Variants in RPS6KA2 observed in about 807,000 individuals in gnomAD.
RPS6KA2 encodes the protein ribosomal protein S6 kinase A2, also known as ribosomal protein S6 kinase alpha-2.
In RPS6KA2, 42 loss-of-function variants were observed where a neutral mutation model predicts 91.8. The ratio of observed to expected loss-of-function variants is 0.46; its 90% CI spans 0.36 to 0.59. The LOEUF (loss-of-function observed/expected upper bound fraction) is 0.59, where lower values mean the gene tolerates loss of function less well. Ranked by LOEUF, RPS6KA2 falls within the 20% of genes least tolerant of loss-of-function variation. The pLI, the probability that RPS6KA2 is intolerant of heterozygous loss-of-function variation, is 0.00. For missense variants in RPS6KA2, 798 were observed against 978.5 expected (o/e 0.82, Z 2.46); for synonymous variants, 414 against 393.6 (o/e 1.05, Z -0.61).
chr6:166,607,071 T>C (rs1229842694), intron 1 of RPS6KA2, among the ~76,000 whole-genome samples: 1 of 142,624 alleles, frequency 7.0e-6, no homozygotes, highest in South Asian at 2.2e-4. Context: ...GAACCCGGGA[T>C]GCAGAGGTTG....
intron 3 of RPS6KA2, among the ~76,000 whole-genome samples, chr6:166,527,885 A>G (rs565373449): frequency 4.6e-4 from 70 of 152,332 alleles, no homozygotes; most frequent in Non-Finnish European, 6.6e-4. Context: ...CCAGTACTTT[A>G]TTCCTTTCTA....
intron 2 of RPS6KA2, among the ~76,000 whole-genome samples, chr6:166,659,188 T>TA (rs1342389457): frequency 1.3e-4 from 20 of 151,924 alleles, no homozygotes; most frequent in African/African-American, 4.6e-4. Flanking sequence ...TCAGACAGGC[T>TA]AAAAAAAATT....
intron 2 of RPS6KA2, among the ~76,000 whole-genome samples, chr6:166,832,036 TGATAGATAGATAGATA>T (rs58214863): frequency 4.9e-4 from 73 of 148,050 alleles, no homozygotes; most frequent in African/African-American, 1.1e-3. Flanking sequence ...AGATGATACA[TGATAGATAGATAGATA>T]GATAGATAGA....
intron 1 of RPS6KA2, among the ~76,000 whole-genome samples, chr6:166,594,463 CT>C (rs571393560): frequency 1.5e-3 from 224 of 150,028 alleles, no homozygotes; most frequent in Non-Finnish European, 1.8e-3. Context: ...AACACATTTT[CT>C]TTTTTTTTTC....
chr6:166,855,344 C>CAAA (rs201227321), intron 2 of RPS6KA2, among the ~76,000 whole-genome samples: 2 of 147,942 alleles, frequency 1.4e-5, no homozygotes, highest in South Asian at 2.1e-4. Context: ...ACGAAGAAGA[C>CAAA]GAAGAAGACA....
chr6:166,793,202 A>G (rs1779140373), intron 2 of RPS6KA2, among the ~76,000 whole-genome samples: 1 of 152,052 alleles, frequency 6.6e-6, no homozygotes, highest in Admixed American at 6.5e-5. Flanking sequence ...AGTCTTATAC[A>G]CCAATAACAG....
intron 1 of RPS6KA2, among the ~76,000 whole-genome samples, chr6:166,548,303 T>A (rs7769210): frequency 0.42 from 63,728 of 152,060 alleles, 14,197 homozygotes; most frequent in East Asian, 0.64. Flanking sequence ...GTAGGTATAA[T>A]CTCCCATCAA....
At chr6:166,646,623 C>T (rs1411066527) in intron 2 of RPS6KA2, among the ~76,000 whole-genome samples, 2 of 152,224 alleles carry the variant, frequency 1.3e-5, no homozygotes, top group African/African-American at 4.8e-5. Context: ...CCAGCCTGGC[C>T]CTTCTGGGCC....
intron 2 of RPS6KA2, among the ~76,000 whole-genome samples, chr6:166,797,850 G>A (rs1419472257): frequency 6.6e-6 from 1 of 152,200 alleles, no homozygotes; most frequent in African/African-American, 2.4e-5. Flanking sequence ...ATTGATAGGT[G>A]TAACCGCCGG....
chr6:166,597,659 T>A (rs1388197307), intron 1 of RPS6KA2, among the ~76,000 whole-genome samples: 1 of 152,238 alleles, frequency 6.6e-6, no homozygotes, highest in African/African-American at 2.4e-5. Context: ...AGATTGCAGC[T>A]CTAATAGACA....
rs1778363092 is a variant in RPS6KA2, at chr6:166,767,858, AT to A, written c.123+90341del. ...CGGCCACCACAGAGTGTGTGCGGGG[AT>A]TGCTAACCATGGCAGAGCCTGCTCT... On this transcript the variant is annotated intron_variant, in intron 2 of 21. Transcript: ENST00000503859. The surrounding 1 kb of genome is among the most constrained non-coding windows in gnomAD (Gnocchi z 4.6). Among the ~76,000 whole-genome samples the A allele has an allele frequency of 6.6e-6, 1 of 151,560 alleles. No homozygotes were observed. Among genetic ancestry groups the A allele is most frequent in the Non-Finnish European group, 1.5e-5 (1 of 67,964 alleles).
chr6:166,478,357 C>G (rs547088484), intron 10 of RPS6KA2, among the ~76,000 whole-genome samples: 1 of 152,146 alleles, frequency 6.6e-6, no homozygotes, highest in Non-Finnish European at 1.5e-5. Flanking sequence ...TTTCAGCCAC[C>G]GGCAAGGTTC....
intron 2 of RPS6KA2, among the ~76,000 whole-genome samples, chr6:166,846,657 C>T (rs1451790667): frequency 6.6e-6 from 1 of 152,178 alleles, no homozygotes; most frequent in African/African-American, 2.4e-5. Flanking sequence ...CAATATCCAG[C>T]ATTGCTTTAT....
intron 1 of RPS6KA2, among the ~76,000 whole-genome samples, chr6:166,861,024 T>C (rs919793759): frequency 6.6e-6 from 1 of 152,226 alleles, no homozygotes; most frequent in African/African-American, 2.4e-5. Context: ...GACTTCAATG[T>C]CCGTGCTATG....
chr6:166,762,244 C>A (rs1303987931), intron 2 of RPS6KA2, among the ~76,000 whole-genome samples: 1 of 152,220 alleles, frequency 6.6e-6, no homozygotes, highest in Non-Finnish European at 1.5e-5. Flanking sequence ...CCACATTTTA[C>A]CACATTCTCC....
At chr6:166,593,048 G>A (rs899795839) in intron 1 of RPS6KA2, among the ~76,000 whole-genome samples, 1 of 152,166 alleles carries the variant, frequency 6.6e-6, no homozygotes, top group African/African-American at 2.4e-5. Context: ...ACAGACACCA[G>A]TGAGCAAAAG....
chr6:166,752,559 A>G (rs570060861), intron 2 of RPS6KA2, among the ~76,000 whole-genome samples: 1 of 152,372 alleles, frequency 6.6e-6, no homozygotes, highest in African/African-American at 2.4e-5. Flanking sequence ...AATTTAATTC[A>G]GAGATGATAG....
chr6:166,607,140 C>CAAAAAA (rs35281961), intron 1 of RPS6KA2, among the ~76,000 whole-genome samples: 1 of 97,884 alleles, frequency 1.0e-5, no homozygotes. Context: ...AAAACTCCGT[C>CAAAAAA]AAAAAAAAAA....
At chr6:166,511,885 T>C (rs1406130006) in intron 3 of RPS6KA2, among the ~76,000 whole-genome samples, 1 of 152,188 alleles carries the variant, frequency 6.6e-6, no homozygotes. Flanking sequence ...GGAAAATAGC[T>C]TGGTAGTTCC....
Sources: allele counts gnomAD v4.1 joint callset (sites outside exome capture counted in the v4.1 genomes callset), GRCh38; gene constraint gnomAD v4.1.1; non-coding constraint Gnocchi (gnomAD v3.1); transcripts MANE v1.5; gene names NCBI Gene and HGNC (gene_info 2026-07-23, HGNC 2026-07-21).